The following TNRC6A variants were observed in gnomAD, a reference collection of about 807,000 sequenced individuals.
TNRC6A encodes trinucleotide repeat containing adaptor 6A.
Under a neutral mutation model 221.2 loss-of-function variants are expected in TNRC6A, and 44 were observed. That is an observed-to-expected ratio of 0.20 (90% CI 0.16 to 0.26). The LOEUF (loss-of-function observed/expected upper bound fraction) is 0.26. Ranked by LOEUF, TNRC6A falls within the 10% of genes least tolerant of loss-of-function variation. The pLI is 1.00. For missense variants in TNRC6A, 2,199 were observed against 2,404.4 expected (o/e 0.91, Z 1.79); for synonymous variants, 847 against 838.5 (o/e 1.01, Z -0.18).
At chr16:24,679,484 G>GT (rs1466809173) in intron 2 of TNRC6A, among the ~76,000 whole-genome samples, 3 of 149,826 alleles carry the variant, frequency 2.0e-5, no homozygotes, top group Admixed American at 6.7e-5. Context: ...TGTTTTTTTT[G>GT]TTTTTTTTCA....
intron 7 of TNRC6A, 88 bp downstream of exon 7, chr16:24,793,737 G>A: frequency 1.8e-6 from 2 of 1,086,710 alleles, no homozygotes; most frequent in Non-Finnish European, 2.4e-6. Flanking sequence ...AGGTTTCTAT[G>A]TTATTTATAA....
At chr16:24,786,982 G>A (rs1251460393) in intron 5 of TNRC6A, among the ~76,000 whole-genome samples, 1 of 152,108 alleles carries the variant, frequency 6.6e-6, no homozygotes, top group African/African-American at 2.4e-5. Flanking sequence ...CGCCCGGCCT[G>A]GTACTAATAC....
At position 24,789,358 on chromosome 16, in the gene TNRC6A, G is replaced by A; in HGVS notation, c.716G>A (p.Trp239Ter). 6.2e-7 allele frequency: 1 copy of A among 1,614,210 alleles called. No individual in the cohort carries two copies. Among genetic ancestry groups the A allele is most frequent in the Non-Finnish European group, 8.5e-7 (1 of 1,180,044 alleles). Residue 239 changes from tryptophan to a stop codon, truncating the protein, a stop_gained, in exon 6 of 25, where the codon TGG (tryptophan) becomes TAG (stop). Transcript: ENST00000395799. LOFTEE classifies it high-confidence loss of function. ...VVSDLSEKEA[W>*]PSAPGSDPEL... is the part of the protein sequence containing the mutation. ...AGTGACTTGTCGGAAAAAGAAGCATGGCCCTCAGCCCCTGGCAGTGATCCG... is the reference window on the plus strand; with the variant it reads ...AGTGACTTGTCGGAAAAAGAAGCATAGCCCTCAGCCCCTGGCAGTGATCCG...
At chr16:24,792,893 A>G (rs2058140372) in intron 6 of TNRC6A, among the ~76,000 whole-genome samples, 1 of 151,110 alleles carries the variant, frequency 6.6e-6, no homozygotes, top group African/African-American at 2.4e-5. Flanking sequence ...GGTTCAAGCA[A>G]TTCTCCTGTC....
chr16:24,760,306 C>T (rs750259189), intron 4 of TNRC6A, among the ~76,000 whole-genome samples: 11 of 152,154 alleles, frequency 7.2e-5, no homozygotes, highest in Non-Finnish European at 1.5e-4. Flanking sequence ...TGGTTATATT[C>T]TTACATTTTT....
intron 1 of TNRC6A, among the ~76,000 whole-genome samples, chr16:24,627,485 C>T (rs77611232): frequency 0.02 from 2,982 of 151,994 alleles, 91 homozygotes; most frequent in African/African-American, 0.068. Context: ...TAATGACTGC[C>T]CCGGGAGACC....
At chr16:24,642,030 G>C (rs1901975897) in intron 2 of TNRC6A, among the ~76,000 whole-genome samples, 6 of 152,188 alleles carry the variant, frequency 3.9e-5, no homozygotes, top group Admixed American at 3.9e-4. Context: ...GGATCCCATG[G>C]GGAAGGATTT....
At chr16:24,739,886 A>G (rs1423401227) in intron 2 of TNRC6A, among the ~76,000 whole-genome samples, 5 of 152,194 alleles carry the variant, frequency 3.3e-5, no homozygotes, top group African/African-American at 9.7e-5. Flanking sequence ...AACAAATCCA[A>G]GGTCACAAAG....
chr16:24,679,016 G>A (rs1045552035), intron 2 of TNRC6A, among the ~76,000 whole-genome samples: 17 of 113,728 alleles, frequency 1.5e-4, no homozygotes, highest in African/African-American at 5.6e-4. Flanking sequence ...TTTTTTTTTG[G>A]ATATAGAGTT....
intron 1 of TNRC6A, among the ~76,000 whole-genome samples, chr16:24,612,404 A>G (rs768745933): frequency 6.6e-6 from 1 of 151,998 alleles, no homozygotes; most frequent in African/African-American, 2.4e-5. Context: ...TTTAAGCCCA[A>G]GCAGTTTTCT....
At chr16:24,694,452 G>A (rs927422322) in intron 2 of TNRC6A, among the ~76,000 whole-genome samples, 6 of 150,766 alleles carry the variant, frequency 4.0e-5, no homozygotes, top group Admixed American at 2.0e-4. Context: ...CCAGGAGATC[G>A]ACACCATCCT....
intron 2 of TNRC6A, among the ~76,000 whole-genome samples, chr16:24,695,560 C>T (rs531494055): frequency 7.4e-4 from 112 of 152,010 alleles, no homozygotes; most frequent in Middle Eastern, 3.4e-3. Flanking sequence ...CCACCACGCC[C>T]GGCTAATTTT....
intron 1 of TNRC6A, among the ~76,000 whole-genome samples, chr16:24,627,430 C>A (rs190649889): frequency 6.6e-6 from 1 of 152,082 alleles, no homozygotes; most frequent in Admixed American, 6.6e-5. Context: ...GGCAGAAGGG[C>A]GGCTTCTGAC....
chr16:24,672,829 A>C (rs1383883357), intron 2 of TNRC6A, among the ~76,000 whole-genome samples: 1 of 152,142 alleles, frequency 6.6e-6, no homozygotes, highest in Non-Finnish European at 1.5e-5. Flanking sequence ...ACTTACATAC[A>C]TATGCATGTA....
chr16:24,734,591 C>T (rs975659868), intron 2 of TNRC6A, among the ~76,000 whole-genome samples: 5 of 152,100 alleles, frequency 3.3e-5, no homozygotes, highest in African/African-American at 9.7e-5. Context: ...GATTCAGTAA[C>T]TTACGCAAGT....
At chr16:24,785,165 A>G (rs944497593) in intron 5 of TNRC6A, among the ~76,000 whole-genome samples, 2 of 152,320 alleles carry the variant, frequency 1.3e-5, no homozygotes, top group Non-Finnish European at 2.9e-5. Context: ...CTCTCTGGCA[A>G]TGCAGTGCTG....
intron 3 of TNRC6A, among the ~76,000 whole-genome samples, chr16:24,751,848 A>G (rs1172920342): frequency 2.0e-5 from 3 of 152,338 alleles, no homozygotes; most frequent in Admixed American, 6.5e-5. Context: ...AGAGAGGTGC[A>G]TAACTCAGGC....
chr16:24,660,739 C>CTTTTTTT (rs58299677), intron 2 of TNRC6A, among the ~76,000 whole-genome samples: 41 of 91,276 alleles, frequency 4.5e-4, no homozygotes, highest in African/African-American at 1.1e-3. Context: ...TTTTTTTTTT[C>CTTTTTTT]TTTTTTTTTT....
At chr16:24,657,738 T>C (rs1271869940) in intron 2 of TNRC6A, among the ~76,000 whole-genome samples, 1 of 149,012 alleles carries the variant, frequency 6.7e-6, no homozygotes, top group Non-Finnish European at 1.5e-5. Context: ...AAATAAAAAA[T>C]GGAGTTTAGC....
Sources: gnomAD v4.1 joint callset for allele counts (sites outside exome capture counted in the v4.1 genomes callset) on GRCh38, gnomAD v4.1.1 for gene constraint, MANE v1.5 for transcripts, NCBI Gene and HGNC (gene_info 2026-07-23, HGNC 2026-07-21) for gene names.